Variants in MS4A4E observed in about 807,000 individuals in gnomAD.
The protein encoded by MS4A4E is membrane spanning 4-domains A4E, also known as putative membrane-spanning 4-domains subfamily A member 4E.
MS4A4E carries 23 observed loss-of-function variants against 13.3 expected under a neutral mutation model. The ratio of observed to expected loss-of-function variants is 1.73; its 90% confidence interval spans 1.25 to 2.45. The LOEUF is 2.45. Ranked by LOEUF, MS4A4E falls within the 30% of genes most tolerant of loss-of-function variation. The probability of loss-of-function intolerance (pLI) is 0.00; values close to 1 mark genes in which losing one functional copy is unlikely to be tolerated. For synonymous variants in MS4A4E, 36 were observed against 45.6 expected, an observed-to-expected ratio of 0.79 and a Z score of 0.85; for missense variants, 144 against 131.2, an observed-to-expected ratio of 1.10 and a Z score of -0.48.
chr11:60,242,510 C>G (rs1050141297), intron 1 of MS4A4E, among the ~76,000 whole-genome samples: 17 of 152,076 alleles, frequency 1.1e-4, no homozygotes, highest in African/African-American at 3.6e-4. Flanking sequence ...TCCATGTACA[C>G]CAAATTCTGC....
In MS4A4E at chr11:60,200,358, T is replaced by C. The variant is rs11230187; in HGVS notation, c.*1185A>G. Among the ~76,000 whole-genome samples the C allele has an allele frequency of 0.31, 46,437 of 151,458 alleles. 8,166 individuals are homozygous for C. The highest frequency in any genetic ancestry group is 0.49 in the South Asian group (2,353 of 4,784). On this transcript the variant is annotated 3_prime_UTR_variant, in exon 9 of 9. Transcript: ENST00000651255. The stretch of plus-strand genomic sequence containing the variant: ...CACAGAGGGGGATTTGGCAGGGTCA[T>C]AGGACAATAGTGGAGGGAAGGTCAG...
intron 8 of MS4A4E, among the ~76,000 whole-genome samples, chr11:60,204,088 A>T (rs2084013215): frequency 6.6e-6 from 1 of 152,230 alleles, no homozygotes; most frequent in South Asian, 2.1e-4. Flanking sequence ...AGGCATTCTC[A>T]GGCCACTTAA....
intron 1 of MS4A4E, among the ~76,000 whole-genome samples, chr11:60,234,824 T>A (rs1246592118): frequency 7.4e-6 from 1 of 135,586 alleles, no homozygotes; most frequent in Non-Finnish European, 1.6e-5. Flanking sequence ...TACTTACCTA[T>A]TAATAATAAC....
At chr11:60,224,001 A>T (rs1453816813) in intron 3 of MS4A4E, among the ~76,000 whole-genome samples, 1 of 152,210 alleles carries the variant, frequency 6.6e-6, no homozygotes, top group African/African-American at 2.4e-5. Flanking sequence ...GAAGGGGAGC[A>T]AAAATTAAGC....
At chr11:60,233,647 G>A (rs1016708692) in intron 1 of MS4A4E, among the ~76,000 whole-genome samples, 1 of 152,230 alleles carries the variant, frequency 6.6e-6, no homozygotes, top group Non-Finnish European at 1.5e-5. Context: ...CAGGCTCACA[G>A]ACTGCAAGAG....
chr11:60,220,015 C>G (rs1042485088), intron 3 of MS4A4E, among the ~76,000 whole-genome samples: 4 of 152,208 alleles, frequency 2.6e-5, no homozygotes, highest in Admixed American at 1.3e-4. Context: ...ACACTGGCCC[C>G]TGACTCATAG....
chr11:60,219,370 A>G (rs2084237495), intron 3 of MS4A4E, among the ~76,000 whole-genome samples: 1 of 152,246 alleles, frequency 6.6e-6, no homozygotes, highest in South Asian at 2.1e-4. Flanking sequence ...AGCTACCATA[A>G]TAGACAGAAG....
intron 3 of MS4A4E, among the ~76,000 whole-genome samples, chr11:60,221,543 C>G (rs1442437614): frequency 6.6e-6 from 1 of 152,202 alleles, no homozygotes; most frequent in East Asian, 1.9e-4. Context: ...TGCAGCACTA[C>G]AGCCCCTTCC....
intron 1 of MS4A4E, among the ~76,000 whole-genome samples, chr11:60,242,407 T>A (rs2084562758): frequency 6.6e-6 from 1 of 152,186 alleles, no homozygotes; most frequent in African/African-American, 2.4e-5. Context: ...ACTGCCTGGG[T>A]GCCACATGAA....
At chr11:60,213,447 C>G (rs910423275) in intron 4 of MS4A4E, 4 of 676,064 alleles carry the variant, frequency 5.9e-6, no homozygotes, top group Non-Finnish European at 9.9e-6. Context: ...CTTCTGGTGC[C>G]CGATCTCTTA....
intron 6 of MS4A4E, among the ~76,000 whole-genome samples, chr11:60,206,514 C>CGTATATATATATGT (rs2084050839): frequency 5.2e-5 from 1 of 19,066 alleles, no homozygotes; most frequent in African/African-American, 2.1e-4. Context: ...TATATATATA[C>CGTATATATATATGT]ACACACACAC....
At chr11:60,213,606 G>A (rs2084152689) in intron 4 of MS4A4E, among the ~76,000 whole-genome samples, 1 of 152,184 alleles carries the variant, frequency 6.6e-6, no homozygotes, top group Non-Finnish European at 1.5e-5. Flanking sequence ...AAAGTGTGAA[G>A]AGTGTAGTGT....
At chr11:60,241,065 C>T (rs2134979093) in intron 1 of MS4A4E, among the ~76,000 whole-genome samples, 1 of 152,024 alleles carries the variant, frequency 6.6e-6, no homozygotes, top group South Asian at 2.1e-4. Context: ...GCTCTGTTGC[C>T]CAGGCTGGCG....
chr11:60,224,852 C>T (rs186949597), intron 3 of MS4A4E: 4 of 918,932 alleles, frequency 4.4e-6, no homozygotes, highest in Non-Finnish European at 4.4e-6. Flanking sequence ...AGGTTAGATA[C>T]CATTCTCAAA....
At chr11:60,224,916 A>G in intron 3 of MS4A4E, 1 of 1,381,126 alleles carries the variant, frequency 7.2e-7, no homozygotes, top group Non-Finnish European at 9.5e-7. Context: ...CAGGGTATTT[A>G]CACCTCTATT....
intron 3 of MS4A4E, 119 bp from the exon 4 acceptor site, chr11:60,214,733 A>G: frequency 1.9e-6 from 1 of 517,532 alleles, no homozygotes. Context: ...TAAACAGGTC[A>G]ATTATCTTAG....
chr11:60,215,972 C>T (rs1380901134), intron 3 of MS4A4E, among the ~76,000 whole-genome samples: 2 of 151,956 alleles, frequency 1.3e-5, no homozygotes, highest in Non-Finnish European at 2.9e-5. Context: ...TATATGGTAT[C>T]TCAGAGGAAA....
At chr11:60,211,600 T>G (rs2084122159) in intron 5 of MS4A4E, among the ~76,000 whole-genome samples, 1 of 152,082 alleles carries the variant, frequency 6.6e-6, no homozygotes, top group South Asian at 2.1e-4. Flanking sequence ...GTGTTGAAAA[T>G]GACCAGTAGG....
intron 3 of MS4A4E, among the ~76,000 whole-genome samples, chr11:60,228,085 G>A (rs575817602): frequency 1.8e-4 from 27 of 151,980 alleles, no homozygotes; most frequent in Non-Finnish European, 3.2e-4. Flanking sequence ...ATGAAATACC[G>A]AATTAATCAT....
Sources: gnomAD v4.1 joint callset for allele counts (sites outside exome capture counted in the v4.1 genomes callset) on GRCh38, gnomAD v4.1.1 for gene constraint, MANE v1.5 for transcripts, NCBI Gene and HGNC (gene_info 2026-07-23, HGNC 2026-07-21) for gene names.